Variants in ACOT12 observed in about 807,000 individuals in gnomAD.
ACOT12 encodes acyl-CoA thioesterase 12, also known as acetyl-coenzyme A thioesterase.
A neutral mutation model predicts 67.7 loss-of-function variants in ACOT12; 51 were observed. That is an observed-to-expected ratio of 0.75 (90% CI 0.60 to 0.95). The LOEUF (loss-of-function observed/expected upper bound fraction) is 0.95, where lower values mean the gene tolerates loss of function less well. Among genes scored for constraint, ACOT12 ranks in the 40% least tolerant of loss-of-function variants. The probability of loss-of-function intolerance (pLI) is 0.00; values close to 1 mark genes in which losing one functional copy is unlikely to be tolerated. For synonymous variants in ACOT12, 251 were observed against 244.6 expected (o/e 1.03, Z -0.24); for missense variants, 734 against 708.1 (o/e 1.04, Z -0.41).
chr5:81,327,113 G>A (rs538612718), downstream of ACOT12, among the ~76,000 whole-genome samples: 1 of 150,926 alleles, frequency 6.6e-6, no homozygotes, highest in African/African-American at 2.4e-5. Flanking sequence ...TTTCTGAAAT[G>A]TGTAATAAGA....
chr5:81,310,683 G>A, the ACOT12 span, among the ~76,000 whole-genome samples: 3 of 152,176 alleles, frequency 2.0e-5, no homozygotes, highest in East Asian at 5.8e-4. Context: ...CATTTTTATA[G>A]GGTTAGGGTG....
At chr5:81,393,888 G>C (rs1045231486) in intron 1 of ACOT12, 100 bp downstream of exon 1, 6 of 1,216,708 alleles carry the variant, frequency 4.9e-6, no homozygotes, top group Non-Finnish European at 5.2e-6. Context: ...TCAGCTCTCC[G>C]CAAGTACCTT....
chr5:81,333,318 T>C (rs550751601), intron 12 of ACOT12, among the ~76,000 whole-genome samples: 4 of 152,340 alleles, frequency 2.6e-5, no homozygotes, highest in Admixed American at 1.3e-4. Context: ...AAATGTGGTA[T>C]ATTGGAAACC....
chr5:81,329,535 AG>A (rs1180373696), downstream of ACOT12, among the ~76,000 whole-genome samples: 1 of 152,164 alleles, frequency 6.6e-6, no homozygotes, highest in Non-Finnish European at 1.5e-5. Context: ...AACTAACAGC[AG>A]GATGCATCTA....
chr5:81,330,411 AC>A lies in ACOT12; in HGVS notation c.1650del (p.Phe551LeufsTer2). 6.2e-7 allele frequency: 1 copy of A among 1,612,438 alleles called. No individual in the cohort carries two copies. The highest frequency in any genetic ancestry group is 8.5e-7 in the Non-Finnish European group (1 of 1,179,440). ...GTTGACCTTTAAAATGTGCTTACAA[AC>A]CCATCATCAGGAGGATTCTCTAAGA... is the stretch of plus-strand genomic sequence containing the variant. ...IQFLENPPDDGFVSTF is the reference protein window; with the variant it reads ...IQFLENPPDDXFVSTF On this transcript the variant is annotated frameshift_variant, in exon 15 of 15. Coordinates refer to ENST00000307624, the MANE Select transcript of ACOT12 (RefSeq NM_130767.3). LOFTEE classifies it high-confidence loss of function.
chr5:81,361,077 C>CAAAAAAAAAAAAAA (rs71000820), intron 4 of ACOT12, among the ~76,000 whole-genome samples: 44 of 52,544 alleles, frequency 8.4e-4, no homozygotes, highest in Non-Finnish European at 1.0e-3. Context: ...GACTCCATCT[C>CAAAAAAAAAAAAAA]AAAAAAAAAA....
Position 81,335,785 on chromosome 5 carries a change from CA to C in ACOT12, c.1244del (p.Leu415CysfsTer12). The stretch of plus-strand genomic sequence containing the variant: ...GTTCTTACACAAAATGGGGGTCCCA[CA>C]AAGGTCGCTTTGTAAAGTCAGACAA... Reference protein sequence around the residue: ...RLLSDFTKRPLWDPHFVSCEV... With the variant: ...RLLSDFTKRPXWDPHFVSCEV... On this transcript the variant is annotated frameshift_variant, in exon 12 of 15. Coordinates refer to ENST00000307624, the MANE Select transcript of ACOT12 (RefSeq NM_130767.3). LOFTEE classifies it high-confidence loss of function. 6.2e-7 allele frequency: 1 copy of C among 1,609,022 alleles called. No homozygotes were observed. The highest frequency in any genetic ancestry group is 1.7e-5 in the Admixed American group (1 of 58,792).
At chr5:81,372,718 A>T (rs1760291004) in intron 2 of ACOT12, among the ~76,000 whole-genome samples, 1 of 152,178 alleles carries the variant, frequency 6.6e-6, no homozygotes, top group Non-Finnish European at 1.5e-5. Flanking sequence ...TCTTTTCTTC[A>T]ATTCAAACTT....
At chr5:81,348,569 G>A (rs1057244559) in intron 5 of ACOT12, among the ~76,000 whole-genome samples, 7 of 151,956 alleles carry the variant, frequency 4.6e-5, no homozygotes, top group African/African-American at 1.7e-4. Context: ...ATGTCCTTCT[G>A]CTCTCTCTTT....
the ACOT12 span, among the ~76,000 whole-genome samples, chr5:81,318,098 G>C: frequency 6.6e-6 from 1 of 152,044 alleles, no homozygotes; most frequent in African/African-American, 2.4e-5. Flanking sequence ...GGCCAGGCTA[G>C]TCTCGACCTC....
chr5:81,367,106 G>T (rs1414324453), intron 3 of ACOT12, among the ~76,000 whole-genome samples: 1 of 152,088 alleles, frequency 6.6e-6, no homozygotes, highest in Non-Finnish European at 1.5e-5. Flanking sequence ...TATACCTACT[G>T]AATATGAGCA....
At chr5:81,316,677 A>G in the ACOT12 span, among the ~76,000 whole-genome samples, 2 of 152,210 alleles carry the variant, frequency 1.3e-5, no homozygotes, top group Non-Finnish European at 1.5e-5. Flanking sequence ...CTAATCAGCA[A>G]TGTATGAGAG....
chr5:81,339,999 A>G (rs574154155), intron 11 of ACOT12, among the ~76,000 whole-genome samples: 1 of 151,880 alleles, frequency 6.6e-6, no homozygotes, highest in East Asian at 1.9e-4. Context: ...AGCTGGGACT[A>G]CAGGTGGATG....
At chr5:81,333,832 C>T (rs780256051) in intron 12 of ACOT12, among the ~76,000 whole-genome samples, 7 of 152,268 alleles carry the variant, frequency 4.6e-5, no homozygotes, top group Admixed American at 6.5e-5. Context: ...GCTCCACCCT[C>T]GGGCCTGTGC....
At chr5:81,385,944 A>G in intron 1 of ACOT12, 118 bp from the exon 2 acceptor site, 1 of 867,778 alleles carries the variant, frequency 1.2e-6, no homozygotes, top group Non-Finnish European at 1.8e-6. Context: ...CATTCATTAT[A>G]GCACCACTGT....
chr5:81,311,077 C>T, the ACOT12 span: 1 of 828,412 alleles, frequency 1.2e-6, no homozygotes, highest in South Asian at 1.5e-5. Flanking sequence ...AGTGGCACCT[C>T]CCTATGATCC....
intron 3 of ACOT12, among the ~76,000 whole-genome samples, chr5:81,368,698 GA>G (rs545588536): frequency 2.4e-4 from 37 of 151,636 alleles, no homozygotes; most frequent in African/African-American, 7.7e-4. Flanking sequence ...GCTTATATTT[GA>G]AAAAAAGAAA....
At chr5:81,382,225 C>A (rs977095990) in intron 2 of ACOT12, among the ~76,000 whole-genome samples, 1 of 152,078 alleles carries the variant, frequency 6.6e-6, no homozygotes, top group African/African-American at 2.4e-5. Context: ...GCTGAAAAGG[C>A]CGAGAACGAA....
chr5:81,330,658 C>T, intron 14 of ACOT12, 115 bp from the exon 15 acceptor site: 1 of 1,472,924 alleles, frequency 6.8e-7, no homozygotes, highest in Non-Finnish European at 9.1e-7. Flanking sequence ...TTCTGGGGGA[C>T]CTTCTGGAAT....
Sources: allele counts gnomAD v4.1 joint callset (sites outside exome capture counted in the v4.1 genomes callset), GRCh38; gene constraint gnomAD v4.1.1; transcripts MANE v1.5; gene names NCBI Gene and HGNC (gene_info 2026-07-23, HGNC 2026-07-21).